The following STN1 variants were observed in gnomAD, a reference collection of about 807,000 sequenced individuals.
STN1 encodes CST complex subunit STN1.
Under a neutral mutation model 45.5 loss-of-function variants are expected in STN1, and 29 were observed. The observed-to-expected ratio is 0.64, with a 90% CI of 0.47 to 0.87. The LOEUF is 0.87. Ranked by LOEUF, STN1 falls within the 40% of genes least tolerant of loss-of-function variation. The probability of loss-of-function intolerance (pLI) is 0.00; values close to 1 mark genes in which losing one functional copy is unlikely to be tolerated. For synonymous variants in STN1, 148 were observed against 159.0 expected (o/e 0.93, Z 0.52); for missense variants, 376 against 441.4 (o/e 0.85, Z 1.33).
chr10:103,905,268 G>A (rs1384905756), intron 3 of STN1, 112 bp from the exon 4 acceptor site: 1 of 907,900 alleles, frequency 1.1e-6, no homozygotes, highest in Non-Finnish European at 1.8e-6. Flanking sequence ...ATAGCCTGGA[G>A]AAGCAAATCC....
chr10:103,915,760 G>C (rs573105299), intron 2 of STN1, among the ~76,000 whole-genome samples: 18 of 152,130 alleles, frequency 1.2e-4, no homozygotes, highest in African/African-American at 3.9e-4. Context: ...TAAAGCAGTG[G>C]TCCCCAACCT....
intron 9 of STN1, among the ~76,000 whole-genome samples, chr10:103,887,110 A>C (rs1461747160): frequency 6.6e-6 from 1 of 152,236 alleles, no homozygotes; most frequent in African/African-American, 2.4e-5. Context: ...AAGGCTAGAA[A>C]GGAACTAAAG....
chr10:103,916,882 G>A (rs1287638323), intron 2 of STN1, among the ~76,000 whole-genome samples: 1 of 152,112 alleles, frequency 6.6e-6, no homozygotes, highest in Non-Finnish European at 1.5e-5. Flanking sequence ...TATATGCCAG[G>A]CACTGTTCTA....
intron 2 of STN1, among the ~76,000 whole-genome samples, chr10:103,913,910 G>A (rs1478935929): frequency 2.0e-5 from 3 of 152,094 alleles, no homozygotes. Flanking sequence ...AGGCCCCCAA[G>A]AAGGAGGAGG....
chr10:103,913,495 G>A (rs1416689655), intron 2 of STN1, among the ~76,000 whole-genome samples: 1 of 151,988 alleles, frequency 6.6e-6, no homozygotes, highest in East Asian at 1.9e-4. Context: ...AACGGAGAAA[G>A]AGATCAGAAG....
intron 3 of STN1, among the ~76,000 whole-genome samples, chr10:103,909,484 ATATGTG>A (rs1376803200): frequency 0.053 from 3,513 of 66,664 alleles, 315 homozygotes; most frequent in East Asian, 0.22. Context: ...ATATGTATAT[ATATGTG>A]TGTGTGTATA....
Position 103,880,259 on chromosome 10 carries a change from T to C in STN1, c.*2425A>G, listed in dbSNP as rs1035805987. Among the ~76,000 whole-genome samples, 1 of 152,188 alleles carries C rather than the reference T, an allele frequency of 6.6e-6. No individual in the cohort carries two copies. Among genetic ancestry groups the C allele is most frequent in the Non-Finnish European group, 1.5e-5 (1 of 68,020 alleles). On this transcript the variant is annotated 3_prime_UTR_variant, in exon 10 of 10. Transcript: ENST00000224950. ...TAATATGGGGGAGTCTGGGTCTTTT[T>C]ATGGGCTCAGAATGGGGGGAGGGGC...
chr10:103,909,394 A>ATATATATATGTATATATATG (rs1564634924), intron 3 of STN1, among the ~76,000 whole-genome samples: 2 of 70,402 alleles, frequency 2.8e-5, no homozygotes, highest in African/African-American at 9.4e-5. Flanking sequence ...ATATATGTAT[A>ATATATATATGTATATATATG]TATGTATATA....
At chr10:103,898,756 G>A in intron 6 of STN1, 121 bp downstream of exon 6, 1 of 1,126,450 alleles carries the variant, frequency 8.9e-7, no homozygotes, top group Non-Finnish European at 1.3e-6. Flanking sequence ...CTTGCCCAGA[G>A]CCCCACAGTG....
At chr10:103,915,317 T>C (rs543144571) in intron 2 of STN1, among the ~76,000 whole-genome samples, 3 of 152,330 alleles carry the variant, frequency 2.0e-5, no homozygotes, top group Non-Finnish European at 4.4e-5. Context: ...CAGACTGATA[T>C]GATCTGGCTC....
At position 103,913,383 on chromosome 10, in the gene STN1, G is replaced by A. The variant is rs535344828; in HGVS notation, c.134-2761C>T. On this transcript the variant is annotated intron_variant, in intron 2 of 9. Transcript: ENST00000224950. ...TTTCATCTCACGGACTGACAACAAT[G>A]ACTTGCCTTTAAGGACAGTCACTCA... is the stretch of plus-strand genomic sequence containing the variant. Among the ~76,000 whole-genome samples, 3 of 152,006 alleles carry A rather than the reference G, an allele frequency of 2.0e-5. No individual in the cohort carries two copies. The East Asian group carries it at 5.8e-4, about 29-fold the overall frequency.
chr10:103,906,753 T>G (rs990876438), intron 3 of STN1, among the ~76,000 whole-genome samples: 5 of 152,188 alleles, frequency 3.3e-5, no homozygotes, highest in African/African-American at 1.2e-4. Context: ...GAATATGCGA[T>G]TCATGGAAGA....
rs760793855 is a variant in STN1, at chr10:103,900,268, C to G, written c.296-45G>C. On this transcript the variant is annotated intron_variant, in intron 4 of 9. Transcript: ENST00000224950. The stretch of plus-strand genomic sequence containing the variant: ...GAGGGAAAGAGAAAAAGTTATAACA[C>G]AATCACTCTACCACATCTGTGAGAC... The G allele has an allele frequency of 1.6e-5, 25 of 1,594,686 alleles. No individual in the cohort carries two copies. In the Middle Eastern group the frequency reaches 5.3e-4, roughly 34 times the overall value.
rs1300584539 is a variant in STN1 at position 103,881,797 on chromosome 10, T to C, written c.*887A>G. 6.6e-6 allele frequency among the ~76,000 whole-genome samples: 1 copy of C among 152,240 alleles called. No individual in the cohort carries two copies. The highest frequency in any genetic ancestry group is 1.5e-5 in the Non-Finnish European group (1 of 68,046). On this transcript the variant is annotated 3_prime_UTR_variant, in exon 10 of 10. Transcript: ENST00000224950. ...GCCTACAACATACCTCAGATGTTTT[T>C]CCTTTACCTTGTCATTCTGAGCAAA...
chr10:103,917,443 A>C lies in STN1; in HGVS notation c.133+19T>G. The stretch of plus-strand genomic sequence containing the variant: ...TGGCAGATGCAGCCCAGGGCATCCC[A>C]GGGTGGCTAGCCACATACCTGGCAC... On this transcript the variant is annotated intron_variant, in intron 2 of 9. Transcript: ENST00000224950. 1.9e-6 allele frequency: 3 copies of C among 1,609,882 alleles called. No individual in the cohort carries two copies. The highest frequency in any genetic ancestry group is 2.5e-6 in the Non-Finnish European group (3 of 1,177,626).
chr10:103,896,409 G>C (rs763107429), intron 7 of STN1, among the ~76,000 whole-genome samples: 3 of 152,136 alleles, frequency 2.0e-5, no homozygotes, highest in Non-Finnish European at 4.4e-5. Flanking sequence ...GGAGGGCAAG[G>C]AGGGACATTT....
intron 7 of STN1, among the ~76,000 whole-genome samples, chr10:103,897,313 G>GA (rs34763036): frequency 0.84 from 126,346 of 149,742 alleles, 54,132 homozygotes; most frequent in East Asian, 1. Context: ...CTCTGTCTCC[G>GA]AAAAAAAAAA....
chr10:103,901,059 C>T (rs1843207036), intron 4 of STN1, among the ~76,000 whole-genome samples: 1 of 152,172 alleles, frequency 6.6e-6, no homozygotes, highest in Non-Finnish European at 1.5e-5. Context: ...TAGTTAGAGA[C>T]AAGGCTGGAG....
intron 9 of STN1, among the ~76,000 whole-genome samples, chr10:103,885,515 T>A (rs938020515): frequency 1.3e-5 from 2 of 152,172 alleles, no homozygotes; most frequent in African/African-American, 4.8e-5. Flanking sequence ...GGTGAGGCTG[T>A]TCAAAAGTGA....
Sources: allele counts gnomAD v4.1 joint callset (sites outside exome capture counted in the v4.1 genomes callset), GRCh38; gene constraint gnomAD v4.1.1; transcripts MANE v1.5; gene names NCBI Gene and HGNC (gene_info 2026-07-23, HGNC 2026-07-21).